Variants in PCDHGA1 observed in about 807,000 individuals in gnomAD.
PCDHGA1 encodes protocadherin gamma subfamily A, 1, also known as protocadherin gamma-A1.
A neutral mutation model predicts 58.0 loss-of-function variants in PCDHGA1; 32 were observed. The ratio of observed to expected loss-of-function variants is 0.55; its 90% CI spans 0.42 to 0.74. PCDHGA1 has a LOEUF of 0.74. PCDHGA1 is among the 30% of genes least tolerant of loss of function. PCDHGA1 has a pLI of 0.00. For synonymous variants in PCDHGA1, 498 were observed against 501.1 expected (o/e 0.99, Z 0.08); for missense variants, 1,205 against 1,182.3 (o/e 1.02, Z -0.28).
At chr5:141,352,960 C>G (rs925936968) in intron 1 of PCDHGA1, among the ~76,000 whole-genome samples, 8 of 152,066 alleles carry the variant, frequency 5.3e-5, no homozygotes, top group Non-Finnish European at 1.2e-4. Context: ...TGCACTCCAG[C>G]CTGGGTGATG....
chr5:141,483,716 G>C (rs772661472), intron 1 of PCDHGA1, among the ~76,000 whole-genome samples: 1 of 151,974 alleles, frequency 6.6e-6, no homozygotes, highest in Non-Finnish European at 1.5e-5. Context: ...CCAGAATATT[G>C]GTTCCCACCA....
intron 1 of PCDHGA1, chr5:141,415,478 G>C: frequency 6.2e-7 from 1 of 1,614,082 alleles, no homozygotes; most frequent in Non-Finnish European, 8.5e-7. Flanking sequence ...GCGGACTCGC[G>C]AAAGAGTCAC....
intron 2 of PCDHGA1, among the ~76,000 whole-genome samples, chr5:141,495,430 C>A (rs1189953474): frequency 6.6e-6 from 1 of 152,220 alleles, no homozygotes; most frequent in Non-Finnish European, 1.5e-5. Context: ...TCCCACTGTC[C>A]TCTGCCCCTA....
chr5:141,339,720 G>T (rs143562227), intron 1 of PCDHGA1: 7 of 1,614,046 alleles, frequency 4.3e-6, no homozygotes, highest in Non-Finnish European at 5.9e-6. Context: ...TACCGCATAA[G>T]CATTCCGGAG....
chr5:141,398,841 TC>T (rs1383151737), intron 1 of PCDHGA1: 5 of 1,613,612 alleles, frequency 3.1e-6, no homozygotes, highest in African/African-American at 1.3e-5. Flanking sequence ...CCAATGATAA[TC>T]CCCCGGTATT....
At chr5:141,392,719 C>T (rs1044889578) in intron 1 of PCDHGA1, 60 of 1,382,980 alleles carry the variant, frequency 4.3e-5, no homozygotes, top group African/African-American at 2.9e-5. Context: ...TCCAGGTTTC[C>T]GGAGGATTGT....
At position 141,490,207 on chromosome 5, in the gene PCDHGA1, C is replaced by G. The variant is rs142098675; in HGVS notation, c.2422-4600C>G. ...TTTCTATGAAATTCATGCAAGAGCC[C>G]GTGACCAGGGACAGCCTGCCATGGA... On this transcript the variant is annotated intron_variant, in intron 1 of 3. Coordinates refer to ENST00000517417, the MANE Select transcript of PCDHGA1 (RefSeq NM_018912.3). This position sits in a 1 kb window ranked among gnomAD's most constrained non-coding sequence, Gnocchi z 5.4. 2.9e-4 allele frequency: 470 copies of G among 1,614,056 alleles called. 1 individual carries two copies. Among genetic ancestry groups the G allele is most frequent in the Non-Finnish European group, 3.7e-4 (439 of 1,180,030 alleles).
intron 1 of PCDHGA1, chr5:141,365,579 G>T (rs1300437364): frequency 4.3e-6 from 7 of 1,613,564 alleles, no homozygotes; most frequent in African/African-American, 1.3e-5. Flanking sequence ...AGAGACTTCA[G>T]ATTATAATAT....
chr5:141,431,447 G>C lies in PCDHGA1; in HGVS notation c.2422-63360G>C. ...GCGCACAGGCACCGCGCGCATCCGC[G>C]TGATGGTTCTGGATGCGAACGACAA... is the stretch of plus-strand genomic sequence containing the variant. On this transcript the variant is annotated intron_variant, in intron 1 of 3. Coordinates refer to ENST00000517417, the MANE Select transcript of PCDHGA1 (RefSeq NM_018912.3). The surrounding 1 kb of genome is among the most constrained non-coding windows in gnomAD (Gnocchi z 4.8). The C allele has an allele frequency of 6.2e-7, 1 of 1,613,792 alleles. No individual in the cohort carries two copies. Among genetic ancestry groups the C allele is most frequent in the Non-Finnish European group, 8.5e-7 (1 of 1,180,014 alleles).
chr5:141,371,790 C>A, intron 1 of PCDHGA1: 1 of 1,613,956 alleles, frequency 6.2e-7, no homozygotes, highest in Middle Eastern at 1.6e-4. Flanking sequence ...TGAGAACAAT[C>A]CGCCTGGAGC....
chr5:141,384,346 G>A (rs992832645), intron 1 of PCDHGA1: 3 of 1,613,746 alleles, frequency 1.9e-6, no homozygotes, highest in Non-Finnish European at 2.5e-6. Context: ...CGACAGTGAG[G>A]ATAATGCCCA....
At chr5:141,461,689 A>G (rs2099020485) in intron 1 of PCDHGA1, among the ~76,000 whole-genome samples, 1 of 152,120 alleles carries the variant, frequency 6.6e-6, no homozygotes, top group Admixed American at 6.6e-5. Context: ...GTTTATTTTG[A>G]GACAGAGTTT....
At chr5:141,422,217 C>T (rs1207888890) in intron 1 of PCDHGA1, 2 of 1,563,582 alleles carry the variant, frequency 1.3e-6, no homozygotes, top group Admixed American at 2.0e-5. Context: ...GTCTCTTTAC[C>T]ACCACGACGA....
rs1363008017 is a variant in PCDHGA1, at chr5:141,413,215, T to A, written c.2421+80110T>A. ...GAATCGCTCAAAGGAATCAAAGGATTGCAGCGGGCTGGTCCTGCTCTGCCT... is the reference window on the plus strand; with the variant it reads ...GAATCGCTCAAAGGAATCAAAGGATAGCAGCGGGCTGGTCCTGCTCTGCCT... On this transcript the variant is annotated intron_variant, in intron 1 of 3. Coordinates refer to ENST00000517417, the MANE Select transcript of PCDHGA1 (RefSeq NM_018912.3). 6 of 1,613,232 alleles carry A rather than the reference T, an allele frequency of 3.7e-6. No individual in the cohort carries two copies. The African/African-American group carries it at 8.0e-5, about 22-fold the overall frequency.
At chr5:141,423,033 C>A (rs2096701827) in intron 1 of PCDHGA1, 2 of 1,614,102 alleles carry the variant, frequency 1.2e-6, no homozygotes, top group Non-Finnish European at 1.7e-6. Flanking sequence ...CAGGCCAGAA[C>A]GCCTGGCTGT....
intron 1 of PCDHGA1, chr5:141,374,173 G>A: frequency 6.2e-7 from 1 of 1,613,470 alleles, no homozygotes; most frequent in Non-Finnish European, 8.5e-7. Flanking sequence ...CGGCAGCGCA[G>A]ATCCGCTACT....
In PCDHGA1 at chr5:141,332,126, G is replaced by A. The variant is rs767766992; in HGVS notation, c.1442G>A (p.Ser481Asn). The A allele has an allele frequency of 6.2e-7, 1 of 1,614,136 alleles. No individual in the cohort carries two copies. The highest frequency in any genetic ancestry group is 8.5e-7 in the Non-Finnish European group (1 of 1,180,028). ...IFSVRAHDLD[S>N]NENAQITYSL... Reference sequence around the variant, plus strand: ...TCTGTGAGGGCCCACGACTTGGACAGCAATGAGAATGCACAAATCACTTAC... The same window carrying A: ...TCTGTGAGGGCCCACGACTTGGACAACAATGAGAATGCACAAATCACTTAC... The change falls in exon 1 of 4, where the codon AGC (serine) becomes AAC (asparagine). Residue 481 changes from serine to asparagine, a missense_variant. Transcript: ENST00000517417. The surrounding 1 kb of genome is among the most constrained non-coding windows in gnomAD (Gnocchi z 4.6).
intron 1 of PCDHGA1, among the ~76,000 whole-genome samples, chr5:141,405,770 G>C (rs989163026): frequency 1.3e-5 from 2 of 152,032 alleles, no homozygotes; most frequent in East Asian, 3.9e-4. Context: ...GAGCCACTGC[G>C]CCTGGCCCTT....
At chr5:141,387,706 C>T in intron 1 of PCDHGA1, 1 of 992,322 alleles carries the variant, frequency 1.0e-6, no homozygotes. Flanking sequence ...CCAGGGCAGC[C>T]CCAGCTCAGA....
Sources: gnomAD v4.1 joint callset for allele counts (sites outside exome capture counted in the v4.1 genomes callset) on GRCh38, gnomAD v4.1.1 for gene constraint, Gnocchi (gnomAD v3.1) non-coding constraint, MANE v1.5 for transcripts, NCBI Gene and HGNC (gene_info 2026-07-23, HGNC 2026-07-21) for gene names.